TMCC1: variants seen among roughly 807,000 people sequenced by gnomAD.
The protein encoded by TMCC1 is transmembrane and coiled-coil domain family 1.
Under a neutral mutation model 52.4 loss-of-function variants are expected in TMCC1, and 15 were observed. The ratio of observed to expected loss-of-function variants is 0.29; its 90% confidence interval spans 0.19 to 0.44. TMCC1 has a LOEUF of 0.44. TMCC1 is among the 20% of genes least tolerant of loss of function. The pLI, the probability that TMCC1 is intolerant of heterozygous loss-of-function variation, is 1.00. For synonymous variants in TMCC1, 279 were observed against 301.9 expected, an observed-to-expected ratio of 0.92 and a Z score of 0.79; for missense variants, 503 against 806.0, an observed-to-expected ratio of 0.62 and a Z score of 4.55.
intron 4 of TMCC1, among the ~76,000 whole-genome samples, chr3:129,790,455 A>C (rs982643899): frequency 8.5e-5 from 13 of 152,258 alleles, no homozygotes; most frequent in Non-Finnish European, 1.0e-4. Flanking sequence ...TCAGTTATGT[A>C]ATTTAAAATT....
At chr3:129,815,557 G>A (rs1215006255) in intron 4 of TMCC1, among the ~76,000 whole-genome samples, 2 of 151,930 alleles carry the variant, frequency 1.3e-5, no homozygotes, top group African/African-American at 2.4e-5. Flanking sequence ...CTGCAGAATG[G>A]AACTACACCC....
chr3:129,702,827 C>G (rs989031180), intron 4 of TMCC1, among the ~76,000 whole-genome samples: 3 of 152,138 alleles, frequency 2.0e-5, no homozygotes, highest in Non-Finnish European at 4.4e-5. Context: ...ACCCGCCTGG[C>G]TAACATGGTG....
At chr3:129,858,868 C>T (rs1201154096) in intron 2 of TMCC1, among the ~76,000 whole-genome samples, 1 of 152,174 alleles carries the variant, frequency 6.6e-6, no homozygotes, top group African/African-American at 2.4e-5. Flanking sequence ...AAAACACTTT[C>T]TTATTCATAG....
chr3:129,725,439 ATTCT>A lies in TMCC1; in HGVS notation c.577-54179_577-54176del, dbSNP rs755763268. 2.0e-5 allele frequency among the ~76,000 whole-genome samples: 3 copies of A among 152,126 alleles called. No homozygotes were observed. The South Asian group carries it at 6.2e-4, about 31-fold the overall frequency. On this transcript the variant is annotated intron_variant, in intron 4 of 6. Transcript: ENST00000393238. ...GTACAATTTCTAATATAATTTTTTC[ATTCT>A]TTAAGAATTTTACTTCAATAAAAAC...
At chr3:129,859,711 T>C (rs958515231) in intron 2 of TMCC1, among the ~76,000 whole-genome samples, 1 of 151,788 alleles carries the variant, frequency 6.6e-6, no homozygotes, top group African/African-American at 2.4e-5. Context: ...CATGAATTCA[T>C]GGTCTAGGAA....
chr3:129,806,442 T>C (rs1438585542), intron 4 of TMCC1, among the ~76,000 whole-genome samples: 1 of 152,154 alleles, frequency 6.6e-6, no homozygotes, highest in Non-Finnish European at 1.5e-5. Context: ...CATCCACCCA[T>C]TTCCAAAGGC....
rs1008150321 is a variant in TMCC1 at position 129,745,212 on chromosome 3, A to C, written c.577-73948T>G. ...AAAGTACAAAAACAAAGAGAAAAAA[A>C]CTTCGTTACAATTTTAAACATGCAC... On this transcript the variant is annotated intron_variant, in intron 4 of 6. Transcript: ENST00000393238. 2.0e-5 allele frequency among the ~76,000 whole-genome samples: 3 copies of C among 152,340 alleles called. No individual in the cohort carries two copies. The South Asian group carries it at 6.2e-4, about 32-fold the overall frequency.
At chr3:129,805,859 G>T (rs2057431282) in intron 4 of TMCC1, among the ~76,000 whole-genome samples, 2 of 151,912 alleles carry the variant, frequency 1.3e-5, no homozygotes, top group Admixed American at 1.3e-4. Flanking sequence ...TTGAGCCCAG[G>T]AGTTTAAGAC....
chr3:129,800,924 T>TG (rs1281457160), intron 4 of TMCC1, among the ~76,000 whole-genome samples: 1 of 85,018 alleles, frequency 1.2e-5, no homozygotes. Flanking sequence ...CATCTCACAC[T>TG]ATTTTTTTTT....
intron 4 of TMCC1, among the ~76,000 whole-genome samples, chr3:129,732,874 C>T (rs1290169024): frequency 6.6e-6 from 1 of 152,202 alleles, no homozygotes; most frequent in African/African-American, 2.4e-5. Context: ...TCTGTACTTT[C>T]TATTAGTATT....
chr3:129,663,437 C>G (rs1307378341), intron 5 of TMCC1, among the ~76,000 whole-genome samples: 1 of 152,106 alleles, frequency 6.6e-6, no homozygotes, highest in Admixed American at 6.5e-5. Context: ...AGTGTTTGAC[C>G]AGAGTAGAGA....
intron 2 of TMCC1, among the ~76,000 whole-genome samples, chr3:129,851,966 A>G (rs2059933100): frequency 6.6e-6 from 1 of 152,070 alleles, no homozygotes; most frequent in African/African-American, 2.4e-5. Context: ...CCTGGGCAAC[A>G]TAATGAGACC....
At chr3:129,810,310 A>G (rs544044999) in intron 4 of TMCC1, among the ~76,000 whole-genome samples, 1 of 152,148 alleles carries the variant, frequency 6.6e-6, no homozygotes, top group Admixed American at 6.5e-5. Flanking sequence ...GTGAGCCAAG[A>G]TTGCACCACT....
At chr3:129,833,498 A>G (rs1389025520) in intron 2 of TMCC1, among the ~76,000 whole-genome samples, 1 of 152,194 alleles carries the variant, frequency 6.6e-6, no homozygotes, top group Non-Finnish European at 1.5e-5. Flanking sequence ...TGAGCCCCGG[A>G]GCTGGAGATT....
intron 4 of TMCC1, among the ~76,000 whole-genome samples, chr3:129,770,990 C>A (rs181586678): frequency 6.6e-6 from 1 of 152,152 alleles, no homozygotes; most frequent in African/African-American, 2.4e-5. Context: ...TAAGAAAATA[C>A]GTGTTAATAT....
At chr3:129,695,874 A>G (rs2047382332) in intron 4 of TMCC1, among the ~76,000 whole-genome samples, 1 of 152,104 alleles carries the variant, frequency 6.6e-6, no homozygotes, top group Admixed American at 6.6e-5. Flanking sequence ...TGCCCTACAA[A>G]CCATAAATTC....
chr3:129,847,305 T>C (rs1483479965), intron 2 of TMCC1: 1 of 152,190 alleles, frequency 6.6e-6, no homozygotes, highest in African/African-American at 2.4e-5. Flanking sequence ...AATTCAGAGA[T>C]TTGTTTCACA....
chr3:129,779,959 A>G (rs1283912596), intron 4 of TMCC1, among the ~76,000 whole-genome samples: 1 of 152,172 alleles, frequency 6.6e-6, no homozygotes, highest in African/African-American at 2.4e-5. Flanking sequence ...GAGTTTATTC[A>G]ATCATATTTC....
chr3:129,743,244 G>A (rs374406081), intron 4 of TMCC1, among the ~76,000 whole-genome samples: 161 of 152,220 alleles, frequency 1.1e-3, no homozygotes, highest in African/African-American at 3.4e-3. Context: ...TTCCACAGAC[G>A]AGTCTCACTT....
Sources: gnomAD v4.1 joint callset for allele counts (sites outside exome capture counted in the v4.1 genomes callset) on GRCh38, gnomAD v4.1.1 for gene constraint, MANE v1.5 for transcripts, NCBI Gene and HGNC (gene_info 2026-07-23, HGNC 2026-07-21) for gene names.